DIAPH2: variants seen among roughly 807,000 people sequenced by gnomAD.
DIAPH2 encodes the protein diaphanous related formin 2, also known as protein diaphanous homolog 2.
Under a neutral mutation model 92.7 loss-of-function variants are expected in DIAPH2, and 35 were observed. The observed-to-expected ratio is 0.38, with a 90% CI of 0.29 to 0.50. The LOEUF (loss-of-function observed/expected upper bound fraction) is 0.50. DIAPH2 is among the 20% of genes least tolerant of loss of function. The pLI, the probability that DIAPH2 is intolerant of heterozygous loss-of-function variation, is 0.94. For missense variants in DIAPH2, 701 were observed against 819.5 expected, an observed-to-expected ratio of 0.86 and a Z score of 1.77; for synonymous variants, 301 against 280.4, an observed-to-expected ratio of 1.07 and a Z score of -0.73.
At chrX:97,204,053 T>C (rs763585074) in intron 22 of DIAPH2, among the ~76,000 whole-genome samples, 16 of 111,560 alleles carry the variant, frequency 1.4e-4, no homozygotes, top group Non-Finnish European at 2.8e-4. Flanking sequence ...ATCACAAAAA[T>C]AGAACCAATG....
intron 23 of DIAPH2, among the ~76,000 whole-genome samples, chrX:97,251,327 T>G (rs2147555564): frequency 9.0e-6 from 1 of 111,316 alleles, no homozygotes; most frequent in African/African-American, 3.3e-5. Flanking sequence ...GATCTAATGG[T>G]AATAAGCTGG....
At chrX:97,321,274 T>C (rs777669561) in intron 23 of DIAPH2, among the ~76,000 whole-genome samples, 129 of 110,721 alleles carry the variant, frequency 1.2e-3, no homozygotes, top group Non-Finnish European at 1.8e-3. Flanking sequence ...TAATGTGAAA[T>C]ATAGCATTAC....
intron 7 of DIAPH2, among the ~76,000 whole-genome samples, chrX:96,912,777 C>T (rs2065476874): frequency 9.0e-6 from 1 of 110,564 alleles, no homozygotes; most frequent in Admixed American, 9.7e-5. Context: ...TTCCCCACCC[C>T]GTACCTATTT....
chrX:96,867,409 A>G (rs1420764762), intron 4 of DIAPH2, among the ~76,000 whole-genome samples: 2 of 110,609 alleles, frequency 1.8e-5, no homozygotes, highest in Admixed American at 1.9e-4. Context: ...TAGTAGAGAC[A>G]GGGTTTTACC....
At chrX:97,259,034 A>G (rs994824539) in intron 23 of DIAPH2, among the ~76,000 whole-genome samples, 4 of 111,210 alleles carry the variant, frequency 3.6e-5, no homozygotes, top group African/African-American at 1.3e-4. Flanking sequence ...CAGGCAAATC[A>G]CCTGAGGTCA....
At chrX:97,062,727 C>T (rs1005395019) in intron 17 of DIAPH2, among the ~76,000 whole-genome samples, 1 of 111,184 alleles carries the variant, frequency 9.0e-6, no homozygotes, top group African/African-American at 3.3e-5. Flanking sequence ...ACAGACTAAA[C>T]TTGACTTAAA....
intron 17 of DIAPH2, among the ~76,000 whole-genome samples, chrX:96,999,276 A>G (rs921407470): frequency 1.8e-5 from 2 of 110,574 alleles, no homozygotes; most frequent in Non-Finnish European, 1.9e-5. Context: ...GCACTTTGGG[A>G]GGCCGAGGTG....
chrX:97,570,138 ATAG>A (rs2071360553), intron 26 of DIAPH2, among the ~76,000 whole-genome samples: 4 of 81,151 alleles, frequency 4.9e-5, no homozygotes, highest in Admixed American at 2.9e-4. Context: ...AGATAGATAG[ATAG>A]ATAGATAGAT....
At position 97,318,870 on chromosome X, in the gene DIAPH2, G is replaced by A. The variant is rs1481979593; in HGVS notation, c.2845-29246G>A. 3.6e-5 allele frequency among the ~76,000 whole-genome samples: 4 copies of A among 111,335 alleles called. No individual in the cohort carries two copies. In the East Asian group the frequency reaches 1.1e-3, roughly 31 times the overall value. The stretch of plus-strand genomic sequence containing the variant: ...GAAAGAATAGTGGTAAAACAGTAGC[G>A]ACATTAAACTTAGGTAAAGCTTCTC... On this transcript the variant is annotated intron_variant, in intron 23 of 26. Coordinates refer to ENST00000324765, the MANE Select transcript of DIAPH2 (RefSeq NM_006729.5).
At chrX:97,108,699 C>T (rs991742499) in intron 20 of DIAPH2, among the ~76,000 whole-genome samples, 1 of 112,111 alleles carries the variant, frequency 8.9e-6, no homozygotes, top group African/African-American at 3.2e-5. Context: ...TTGCCTCCTA[C>T]ATCATCTCTT....
chrX:96,704,167 G>T (rs1280558201), intron 1 of DIAPH2, among the ~76,000 whole-genome samples: 1 of 111,847 alleles, frequency 8.9e-6, no homozygotes, highest in Non-Finnish European at 1.9e-5. Context: ...AAATGTTCAG[G>T]TTCCTTGTGG....
chrX:96,807,259 C>T (rs983523850), intron 4 of DIAPH2, among the ~76,000 whole-genome samples: 2 of 111,820 alleles, frequency 1.8e-5, no homozygotes, highest in South Asian at 3.8e-4. Context: ...CTGATACACA[C>T]GTTTCAGTGT....
chrX:97,005,021 G>A (rs1569277033), intron 17 of DIAPH2, among the ~76,000 whole-genome samples: 4 of 111,614 alleles, frequency 3.6e-5, no homozygotes. Context: ...AAGGGATGTT[G>A]AATTTTATCA....
chrX:97,366,952 T>C (rs1034801791), intron 24 of DIAPH2, among the ~76,000 whole-genome samples: 2 of 111,599 alleles, frequency 1.8e-5, no homozygotes, highest in African/African-American at 6.5e-5. Context: ...TATCCATGAG[T>C]CAAAAGGGCA....
rs770367598 is a variant in DIAPH2 at position 97,598,106 on chromosome X, A to C, written c.3242-1147A>C. 3.6e-5 allele frequency among the ~76,000 whole-genome samples: 4 copies of C among 111,450 alleles called. 1 individual carries two copies. Among genetic ancestry groups the C allele is most frequent in the Non-Finnish European group, 7.5e-5 (4 of 53,077 alleles). ...CCATGGCAAAACCTCAGTAGTTCTCAGTTTTTCCTCCCCATACAACAGGCA... is the reference window on the plus strand; with the variant it reads ...CCATGGCAAAACCTCAGTAGTTCTCCGTTTTTCCTCCCCATACAACAGGCA... On this transcript the variant is annotated intron_variant, in intron 26 of 26. Transcript: ENST00000324765.
intron 26 of DIAPH2, among the ~76,000 whole-genome samples, chrX:97,480,840 A>G (rs1388463706): frequency 9.0e-6 from 1 of 111,540 alleles, no homozygotes. Context: ...ATTATTGACT[A>G]CCCTCTTCTA....
intron 4 of DIAPH2, among the ~76,000 whole-genome samples, chrX:96,873,365 T>C (rs1046362265): frequency 3.6e-5 from 4 of 111,509 alleles, no homozygotes; most frequent in Non-Finnish European, 7.5e-5. Flanking sequence ...TTTGCAGATA[T>C]GTTTTCCTAT....
intron 26 of DIAPH2, among the ~76,000 whole-genome samples, chrX:97,515,810 T>G (rs1282482596): frequency 9.0e-6 from 1 of 110,960 alleles, no homozygotes; most frequent in Non-Finnish European, 1.9e-5. Flanking sequence ...ACCTTGCTTC[T>G]GCTATTTTAT....
At chrX:96,841,757 C>G (rs778010590) in intron 4 of DIAPH2, among the ~76,000 whole-genome samples, 2 of 112,164 alleles carry the variant, frequency 1.8e-5, no homozygotes, top group East Asian at 2.8e-4. Flanking sequence ...TTCTGTCATG[C>G]GTGTCCCTGT....
Sources: allele counts gnomAD v4.1 joint callset (sites outside exome capture counted in the v4.1 genomes callset), GRCh38; gene constraint gnomAD v4.1.1; transcripts MANE v1.5; gene names NCBI Gene and HGNC (gene_info 2026-07-23, HGNC 2026-07-21).